DLG2: variants seen among roughly 807,000 people sequenced by gnomAD.
DLG2 encodes the protein disks large homolog 2.
A neutral mutation model predicts 132.5 loss-of-function variants in DLG2; 45 were observed. The observed-to-expected ratio is 0.34, with a 90% CI of 0.27 to 0.44. The LOEUF is 0.44. DLG2 is among the 20% of genes least tolerant of loss of function. The probability of loss-of-function intolerance (pLI) is 1.00; values close to 1 mark genes in which losing one functional copy is unlikely to be tolerated. For synonymous variants in DLG2, 424 were observed against 419.6 expected (o/e 1.01, Z -0.13); for missense variants, 1,045 against 1,196.9 (o/e 0.87, Z 1.87).
At chr11:84,237,022 G>A (rs1025142056) in intron 8 of DLG2, among the ~76,000 whole-genome samples, 8 of 149,808 alleles carry the variant, frequency 5.3e-5, no homozygotes, top group Admixed American at 2.0e-4. Context: ...TCCGCCTCCC[G>A]GGTTCCAGCG....
At chr11:85,401,722 G>C (rs1158424386) in intron 3 of DLG2, among the ~76,000 whole-genome samples, 3 of 152,102 alleles carry the variant, frequency 2.0e-5, no homozygotes, top group African/African-American at 4.8e-5. Flanking sequence ...CAAATCATGA[G>C]TGAACTCCCA....
chr11:84,638,191 C>G (rs1321471318), intron 6 of DLG2, among the ~76,000 whole-genome samples: 1 of 152,188 alleles, frequency 6.6e-6, no homozygotes, highest in African/African-American at 2.4e-5. Context: ...TAAAAATGGA[C>G]AGAATATAAG....
intron 6 of DLG2, among the ~76,000 whole-genome samples, chr11:84,594,657 C>T (rs1373969249): frequency 6.6e-6 from 1 of 152,066 alleles, no homozygotes; most frequent in Non-Finnish European, 1.5e-5. Context: ...AAATGGCATG[C>T]AAAACAAACA....
intron 3 of DLG2, among the ~76,000 whole-genome samples, chr11:85,496,680 C>T (rs1269295232): frequency 6.6e-6 from 1 of 152,086 alleles, no homozygotes; most frequent in African/African-American, 2.4e-5. Context: ...GGCCAACAGA[C>T]ACCTCATACA....
At chr11:84,943,497 T>C (rs1250408987) in intron 6 of DLG2, among the ~76,000 whole-genome samples, 1 of 152,052 alleles carries the variant, frequency 6.6e-6, no homozygotes, top group Non-Finnish European at 1.5e-5. Context: ...TGTGTATCTG[T>C]TGTAGGTTTT....
At chr11:83,993,236 A>G (rs1159763689) in intron 11 of DLG2, among the ~76,000 whole-genome samples, 1 of 152,172 alleles carries the variant, frequency 6.6e-6, no homozygotes, top group African/African-American at 2.4e-5. Flanking sequence ...GTAATTGTTC[A>G]ATAAATATTT....
chr11:85,193,587 G>C (rs2080790835), intron 4 of DLG2, among the ~76,000 whole-genome samples: 1 of 151,960 alleles, frequency 6.6e-6, no homozygotes, highest in African/African-American at 2.4e-5. Context: ...GGTGTGACTT[G>C]GTGTCTCATT....
intron 18 of DLG2, among the ~76,000 whole-genome samples, chr11:83,753,296 G>A (rs558003862): frequency 4.9e-4 from 75 of 152,072 alleles, no homozygotes; most frequent in African/African-American, 1.6e-3. Context: ...GGTGGCAGGC[G>A]CCTGTAATCC....
At chr11:84,584,672 TC>T (rs1565371330) in intron 6 of DLG2, among the ~76,000 whole-genome samples, 1 of 136,038 alleles carries the variant, frequency 7.4e-6, no homozygotes, top group Non-Finnish European at 1.6e-5. Flanking sequence ...GGCCCAGCAT[TC>T]CTTTTTTTTT....
intron 19 of DLG2, among the ~76,000 whole-genome samples, chr11:83,567,768 T>G (rs1287493356): frequency 1.3e-5 from 2 of 152,058 alleles, no homozygotes; most frequent in Non-Finnish European, 2.9e-5. Context: ...GTGAGTTGCA[T>G]TACAAGGTAT....
chr11:84,906,240 T>G (rs1249750409), intron 6 of DLG2, among the ~76,000 whole-genome samples: 2 of 39,082 alleles, frequency 5.1e-5, no homozygotes, highest in Non-Finnish European at 1.4e-4. Context: ...GGTTTTTTTG[T>G]TTTTTTTTTT....
intron 3 of DLG2, among the ~76,000 whole-genome samples, chr11:85,394,082 G>GA (rs2087058543): frequency 6.6e-6 from 1 of 152,056 alleles, no homozygotes; most frequent in South Asian, 2.1e-4. Flanking sequence ...GGAAAATCTA[G>GA]AAAAAAGAAT....
chr11:83,885,986 GAA>G (rs2067747530), intron 15 of DLG2, among the ~76,000 whole-genome samples: 1 of 152,208 alleles, frequency 6.6e-6, no homozygotes, highest in Non-Finnish European at 1.5e-5. Flanking sequence ...ACCAGCCACT[GAA>G]AAATCATGCC....
At chr11:83,690,412 A>G (rs900598143) in intron 18 of DLG2, among the ~76,000 whole-genome samples, 4 of 151,838 alleles carry the variant, frequency 2.6e-5, no homozygotes, top group Non-Finnish European at 5.9e-5. Flanking sequence ...TTTAATATAT[A>G]TTTTAATTAT....
At chr11:83,875,720 T>C (rs569360409) in intron 15 of DLG2, among the ~76,000 whole-genome samples, 48 of 152,300 alleles carry the variant, frequency 3.2e-4, no homozygotes, top group African/African-American at 1.1e-3. Context: ...TATACATATA[T>C]GTATAAAAGA....
intron 6 of DLG2, among the ~76,000 whole-genome samples, chr11:85,083,742 T>C (rs1205505498): frequency 6.6e-6 from 1 of 152,120 alleles, no homozygotes; most frequent in Non-Finnish European, 1.5e-5. Flanking sequence ...TGATGGGTTG[T>C]GGAAAACAAG....
chr11:84,532,706 A>G (rs2099345767), intron 7 of DLG2, among the ~76,000 whole-genome samples: 1 of 152,120 alleles, frequency 6.6e-6, no homozygotes, highest in South Asian at 2.1e-4. Flanking sequence ...CTTGTTACCC[A>G]GGCTGGTCTT....
At position 83,486,691 on chromosome 11, in the gene DLG2, GA is replaced by G. The variant is rs1490491226; in HGVS notation, c.2194-2464del. Among the ~76,000 whole-genome samples the G allele has an allele frequency of 3.9e-5, 6 of 152,072 alleles. No individual in the cohort carries two copies. In the East Asian group the frequency reaches 1.2e-3, roughly 29 times the overall value. ...CAGAAAATACACACTAATACTTTAA[GA>G]ATAAAAGTATCTAACATGTCAGTCT... On this transcript the variant is annotated intron_variant, in intron 21 of 27. Transcript: ENST00000376104.
chr11:84,128,331 A>G (rs968956049), intron 9 of DLG2, among the ~76,000 whole-genome samples: 5 of 152,200 alleles, frequency 3.3e-5, no homozygotes, highest in Non-Finnish European at 7.3e-5. Flanking sequence ...AATACTGTCA[A>G]TGTATACTTT....
Sources: allele counts gnomAD v4.1 joint callset (sites outside exome capture counted in the v4.1 genomes callset), GRCh38; gene constraint gnomAD v4.1.1; transcripts MANE v1.5; gene names NCBI Gene and HGNC (gene_info 2026-07-23, HGNC 2026-07-21).